Variants in VDAC2 observed in about 807,000 individuals in gnomAD.
VDAC2 encodes voltage dependent anion channel 2, also known as non-selective voltage-gated ion channel VDAC2.
VDAC2 carries 6 observed loss-of-function variants against 36.6 expected under a neutral mutation model. The ratio of observed to expected loss-of-function variants is 0.16; its 90% CI spans 0.09 to 0.32. The LOEUF (loss-of-function observed/expected upper bound fraction) is 0.32. Ranked by LOEUF, VDAC2 falls within the 10% of genes least tolerant of loss-of-function variation. The pLI is 1.00. For missense variants in VDAC2, 247 were observed against 346.0 expected, an observed-to-expected ratio of 0.71 and a Z score of 2.27; for synonymous variants, 109 against 123.8, an observed-to-expected ratio of 0.88 and a Z score of 0.79.
intron 9 of VDAC2, 65 bp downstream of exon 9, chr10:75,229,766 G>T: frequency 7.2e-7 from 1 of 1,381,304 alleles, no homozygotes; most frequent in African/African-American, 1.5e-5. Flanking sequence ...TCATTCTTCA[G>T]CTTACTTTTC....
intron 8 of VDAC2, among the ~76,000 whole-genome samples, chr10:75,224,215 G>A (rs1292781419): frequency 6.6e-6 from 1 of 152,210 alleles, no homozygotes; most frequent in Admixed American, 6.5e-5. Context: ...TCTCCAGGTA[G>A]AATTAGAGGA....
At chr10:75,210,240 G>A (rs1389787173), upstream of VDAC2, 1 of 152,636 alleles carries the variant, frequency 6.6e-6, no homozygotes, top group Non-Finnish European at 1.5e-5. Context: ...AAGAGCGCGA[G>A]GGGCTGGAGG....
At chr10:75,213,450 A>C (rs952728202) in intron 3 of VDAC2, among the ~76,000 whole-genome samples, 1 of 152,190 alleles carries the variant, frequency 6.6e-6, no homozygotes, top group African/African-American at 2.4e-5. Flanking sequence ...TTTAAGTTTA[A>C]GAATAGTTTG....
At chr10:75,212,423 A>AT in intron 3 of VDAC2, 125 bp downstream of exon 3, 2 of 915,606 alleles carry the variant, frequency 2.2e-6, no homozygotes, top group South Asian at 1.7e-5. Flanking sequence ...AGAGTTACTT[A>AT]TTTTTTTGAG....
Position 75,211,690 on chromosome 10 carries a change from T to A in VDAC2, c.31+501T>A, listed in dbSNP as rs529060844. On this transcript the variant is annotated intron_variant, in intron 2 of 9. Transcript: ENST00000332211. ...TTTGAAGCGCTATTTGATATTTAGT[T>A]GATGTAGACATTTGAGTGAAACACA... 11 of 1,549,972 alleles carry A rather than the reference T, an allele frequency of 7.1e-6. No homozygotes were observed. In the Admixed American group the frequency reaches 9.8e-5, roughly 14 times the overall value.
chr10:75,219,288 T>G lies in VDAC2; in HGVS notation c.304-16T>G. On this transcript the variant is annotated splice_polypyrimidine_tract_variant and intron_variant, in intron 5 of 9. Coordinates refer to ENST00000332211, the MANE Select transcript of VDAC2 (RefSeq NM_001391963.1). Reference sequence around the variant, plus strand: ...ATTTCAAAAAAAGAAAACAAATTACTTTTCTTTCAAAATAGATTTGTCAAG... The same window carrying G: ...ATTTCAAAAAAAGAAAACAAATTACGTTTCTTTCAAAATAGATTTGTCAAG... The G allele has an allele frequency of 6.3e-7, 1 of 1,582,092 alleles. No individual in the cohort carries two copies. Among genetic ancestry groups the G allele is most frequent in the Middle Eastern group, 2.3e-4 (1 of 4,348 alleles).
chr10:75,210,193 A>C (rs2132244591), upstream of VDAC2: 1 of 152,726 alleles, frequency 6.5e-6, no homozygotes, highest in Non-Finnish European at 1.5e-5. Flanking sequence ...AACCCAGCAC[A>C]GCAAGGCAGT....
At chr10:75,229,554 ACACTT>A (rs1249230271) in intron 8 of VDAC2, 85 bp from the exon 9 acceptor site, 5 of 1,005,902 alleles carry the variant, frequency 5.0e-6, no homozygotes, top group Non-Finnish European at 7.4e-6. Flanking sequence ...ATAAAACTGA[ACACTT>A]CATGATTACA....
At chr10:75,222,203 CATT>C in intron 7 of VDAC2, 46 bp from the exon 8 acceptor site, 1 of 1,551,966 alleles carries the variant, frequency 6.4e-7, no homozygotes, top group Non-Finnish European at 8.8e-7. Flanking sequence ...GTGCCTTAGA[CATT>C]ATTACATTGT....
chr10:75,218,527 C>T (rs1021058629), intron 4 of VDAC2, among the ~76,000 whole-genome samples: 6 of 152,058 alleles, frequency 3.9e-5, no homozygotes, highest in East Asian at 1.9e-4. Flanking sequence ...TTTGGGAGGC[C>T]GAGGTGGGTG....
chr10:75,213,456 G>A (rs1469751517), intron 3 of VDAC2, among the ~76,000 whole-genome samples: 1 of 152,146 alleles, frequency 6.6e-6, no homozygotes, highest in Non-Finnish European at 1.5e-5. Flanking sequence ...TTTAAGAATA[G>A]TTTGGGGGCT....
chr10:75,219,383 T>C, intron 6 of VDAC2, 27 bp downstream of exon 6: 2 of 1,540,456 alleles, frequency 1.3e-6, no homozygotes, highest in South Asian at 1.2e-5. Flanking sequence ...TTATCTGTAT[T>C]ACATTTAAAA....
chr10:75,216,896 G>C (rs1018852146), intron 4 of VDAC2, among the ~76,000 whole-genome samples: 5 of 152,160 alleles, frequency 3.3e-5, no homozygotes, highest in Non-Finnish European at 7.3e-5. Flanking sequence ...AACTTTCACA[G>C]TGTCAGTTCA....
chr10:75,223,671 C>CT (rs1841882369), intron 8 of VDAC2, among the ~76,000 whole-genome samples: 1 of 152,162 alleles, frequency 6.6e-6, no homozygotes, highest in African/African-American at 2.4e-5. Context: ...TATTAAGTAT[C>CT]TTTTTGTATG....
intron 8 of VDAC2, among the ~76,000 whole-genome samples, chr10:75,226,874 G>A (rs1001062315): frequency 1.3e-5 from 2 of 152,198 alleles, no homozygotes; most frequent in Non-Finnish European, 2.9e-5. Flanking sequence ...GGTTGCTAGG[G>A]AACAAACCTT....
rs1841989654 is a variant in VDAC2, at chr10:75,227,576, A to AGTTTTTTT, written c.736-2068_736-2067insGTTTTTTT. Among the ~76,000 whole-genome samples the AGTTTTTTT allele has an allele frequency of 1.7e-3, 150 of 90,696 alleles. 2 individuals carry two copies. Among genetic ancestry groups the AGTTTTTTT allele is most frequent in the African/African-American group, 7.8e-3 (145 of 18,578 alleles). 59.5% of individuals were successfully genotyped at this position (90,696 alleles called of 152,430 possible). A position where few individuals can be genotyped will look rare whatever the true frequency, so the allele number is the denominator to read the frequency against. The stretch of plus-strand genomic sequence containing the variant: ...TTAACTCTTACTGTTAAATAATAGG[A>AGTTTTTTT]ATTTTTTTTTTTTTTTTTTTTTGGA... On this transcript the variant is annotated intron_variant, in intron 8 of 9. Transcript: ENST00000332211.
Position 75,211,610 on chromosome 10 carries a change from G to T in VDAC2, c.31+421G>T. On this transcript the variant is annotated intron_variant, in intron 2 of 9. Coordinates refer to ENST00000332211, the MANE Select transcript of VDAC2 (RefSeq NM_001391963.1). ...TGAGCTGGTGTAATGAGCTCAGATTGCCTGCCCTTAAGCAGCACAGCATTG... is the reference window on the plus strand; with the variant it reads ...TGAGCTGGTGTAATGAGCTCAGATTTCCTGCCCTTAAGCAGCACAGCATTG... The T allele has an allele frequency of 6.4e-7, 1 of 1,550,550 alleles. No individual in the cohort carries two copies. Among genetic ancestry groups the T allele is most frequent in the Non-Finnish European group, 8.7e-7 (1 of 1,146,990 alleles).
At chr10:75,211,723 G>A in intron 2 of VDAC2, 1 of 1,524,924 alleles carries the variant, frequency 6.6e-7, no homozygotes, top group Non-Finnish European at 8.9e-7. Flanking sequence ...ACACATGGCA[G>A]TATTTTTTCC....
At chr10:75,221,553 G>A (rs1175150837) in intron 7 of VDAC2, among the ~76,000 whole-genome samples, 1 of 152,074 alleles carries the variant, frequency 6.6e-6, no homozygotes, top group Non-Finnish European at 1.5e-5. Flanking sequence ...GGCTGGTCTG[G>A]AACTCCTGAC....
Sources: gnomAD v4.1 joint callset for allele counts (sites outside exome capture counted in the v4.1 genomes callset) on GRCh38, gnomAD v4.1.1 for gene constraint, MANE v1.5 for transcripts, NCBI Gene and HGNC (gene_info 2026-07-23, HGNC 2026-07-21) for gene names.